Variants in PALM2AKAP2 observed in about 807,000 individuals in gnomAD.
PALM2AKAP2 encodes PALM2-AKAP2 fusion protein.
A neutral mutation model predicts 71.5 loss-of-function variants in PALM2AKAP2; 37 were observed. The ratio of observed to expected loss-of-function variants is 0.52; its 90% CI spans 0.40 to 0.68. PALM2AKAP2 has a LOEUF of 0.68. Ranked by LOEUF, PALM2AKAP2 falls within the 30% of genes least tolerant of loss-of-function variation. PALM2AKAP2 has a pLI of 0.00. For missense variants in PALM2AKAP2, 1,224 were observed against 1,191.8 expected (o/e 1.03, Z -0.40); for synonymous variants, 468 against 478.8 (o/e 0.98, Z 0.29).
chr9:109,769,430 C>A (rs1355182500), intron 1 of PALM2AKAP2, among the ~76,000 whole-genome samples: 1 of 152,174 alleles, frequency 6.6e-6, no homozygotes, highest in African/African-American at 2.4e-5. Flanking sequence ...AGGGCTGCTT[C>A]CTCCTTATTA....
intron 7 of PALM2AKAP2, among the ~76,000 whole-genome samples, chr9:110,019,663 G>T (rs1833038324): frequency 6.6e-6 from 1 of 152,182 alleles, no homozygotes; most frequent in Non-Finnish European, 1.5e-5. Flanking sequence ...GATGCAGAAG[G>T]AGGCCATTAT....
At chr9:109,955,934 G>C (rs1831738512) in intron 6 of PALM2AKAP2, among the ~76,000 whole-genome samples, 1 of 151,162 alleles carries the variant, frequency 6.6e-6, no homozygotes, top group African/African-American at 2.4e-5. Flanking sequence ...AGACTCCTCT[G>C]TCTTAAAAAA....
chr9:110,121,421 G>C (rs1835484390), intron 1 of PALM2AKAP2, among the ~76,000 whole-genome samples: 1 of 152,230 alleles, frequency 6.6e-6, no homozygotes, highest in South Asian at 2.1e-4. Context: ...TTCCTTCTCT[G>C]TGTGCCTTGA....
intron 1 of PALM2AKAP2, among the ~76,000 whole-genome samples, chr9:109,664,002 A>T (rs1168670846): frequency 6.6e-6 from 1 of 152,082 alleles, no homozygotes; most frequent in African/African-American, 2.4e-5. Context: ...AGAGACTAGG[A>T]TTGCAACCCC....
intron 6 of PALM2AKAP2, among the ~76,000 whole-genome samples, chr9:110,003,242 C>T (rs1388501200): frequency 1.3e-5 from 2 of 152,004 alleles, no homozygotes; most frequent in East Asian, 1.9e-4. Flanking sequence ...TCTTTGTTCT[C>T]GTTGGTTTCA....
chr9:110,043,969 T>C (rs566938245), upstream of PALM2AKAP2, among the ~76,000 whole-genome samples: 10 of 152,230 alleles, frequency 6.6e-5, no homozygotes, highest in Non-Finnish European at 2.9e-5. Context: ...TCCTCCCACC[T>C]TGGCTTCCCA....
At chr9:109,666,043 G>A (rs1827479045) in intron 1 of PALM2AKAP2, among the ~76,000 whole-genome samples, 1 of 152,218 alleles carries the variant, frequency 6.6e-6, no homozygotes. Flanking sequence ...AAGACCTTGG[G>A]AACAGCACAG....
chr9:109,959,546 G>A (rs578110936), intron 6 of PALM2AKAP2, among the ~76,000 whole-genome samples: 2 of 151,488 alleles, frequency 1.3e-5, no homozygotes, highest in Non-Finnish European at 2.9e-5. Flanking sequence ...TCGGGAGGTT[G>A]AGGCTAGAGA....
intron 1 of PALM2AKAP2, among the ~76,000 whole-genome samples, chr9:109,658,491 T>C (rs568396601): frequency 6.6e-6 from 1 of 152,296 alleles, no homozygotes; most frequent in East Asian, 1.9e-4. Context: ...GTTTAGCACA[T>C]GAGTGTCCGT....
At chr9:109,944,093 C>A (rs1417620736) in intron 6 of PALM2AKAP2, 1 of 152,592 alleles carries the variant, frequency 6.6e-6, no homozygotes, top group Non-Finnish European at 1.5e-5. Flanking sequence ...ATTCCATAAC[C>A]TGCCCATCAG....
At chr9:110,091,404 GT>G (rs1179658834) in intron 1 of PALM2AKAP2, among the ~76,000 whole-genome samples, 616 of 20,004 alleles carry the variant, frequency 0.031, 3 homozygotes, top group Non-Finnish European at 0.036. Context: ...GGTGGTTGGG[GT>G]GTGTGTGTGT....
intron 1 of PALM2AKAP2, among the ~76,000 whole-genome samples, chr9:109,795,559 T>C (rs933143829): frequency 3.3e-5 from 5 of 152,234 alleles, no homozygotes; most frequent in Non-Finnish European, 7.3e-5. Context: ...CTCTAACTGA[T>C]AGAAAGTGTC....
chr9:110,136,487 GTGGTTCTGGTGGGC>G lies in PALM2AKAP2; in HGVS notation c.518_531del (p.Val173GlyfsTer16). The G allele has an allele frequency of 6.2e-7, 1 of 1,614,148 alleles. No individual in the cohort carries two copies. The highest frequency in any genetic ancestry group is 8.5e-7 in the Non-Finnish European group (1 of 1,180,046). Reference sequence around the variant, plus strand: ...AACATCCTCCCCAGAGCCTGGTGCAGTGGTTCTGGTGGGCGGCCTAAGCCCCCCTGTCCACGAGG... The same window carrying G: ...AACATCCTCCCCAGAGCCTGGTGCAGGGCCTAAGCCCCCCTGTCCACGAGG... On this transcript the variant is annotated frameshift_variant, in exon 2 of 4. Transcript: ENST00000374525. LOFTEE classifies it high-confidence loss of function.
At chr9:109,792,053 G>T (rs1827124037) in intron 1 of PALM2AKAP2, among the ~76,000 whole-genome samples, 1 of 152,122 alleles carries the variant, frequency 6.6e-6, no homozygotes, top group Non-Finnish European at 1.5e-5. Context: ...TGGGAATGGG[G>T]GCTGGGGGGT....
upstream of PALM2AKAP2, among the ~76,000 whole-genome samples, chr9:109,779,848 C>T (rs975378766): frequency 6.6e-6 from 1 of 152,210 alleles, no homozygotes. Context: ...GGCCCCAGCC[C>T]CCACGTAACA....
At chr9:109,707,120 T>A (rs1828156907) in intron 1 of PALM2AKAP2, among the ~76,000 whole-genome samples, 1 of 152,156 alleles carries the variant, frequency 6.6e-6, no homozygotes, top group African/African-American at 2.4e-5. Context: ...GAGTCACAGT[T>A]TCCCTGACCT....
At chr9:109,985,374 C>T (rs747975828) in intron 6 of PALM2AKAP2, among the ~76,000 whole-genome samples, 2 of 151,886 alleles carry the variant, frequency 1.3e-5, no homozygotes, top group African/African-American at 2.4e-5. Flanking sequence ...AATCCCAGCA[C>T]TTTGGGAGGC....
chr9:110,102,435 G>A (rs1187856578), intron 1 of PALM2AKAP2, among the ~76,000 whole-genome samples: 2 of 152,310 alleles, frequency 1.3e-5, no homozygotes, highest in Non-Finnish European at 2.9e-5. Context: ...TGTTGACCTT[G>A]TATGTTTTTT....
intron 2 of PALM2AKAP2, among the ~76,000 whole-genome samples, chr9:110,150,680 C>A (rs1198365136): frequency 1.3e-5 from 2 of 152,190 alleles, no homozygotes; most frequent in African/African-American, 4.8e-5. Flanking sequence ...GTTCTGCCCA[C>A]CACAGGAGGC....
Sources: gnomAD v4.1 joint callset for allele counts (sites outside exome capture counted in the v4.1 genomes callset) on GRCh38, gnomAD v4.1.1 for gene constraint, MANE v1.5 for transcripts, NCBI Gene and HGNC (gene_info 2026-07-23, HGNC 2026-07-21) for gene names.